DPP10: variants seen among roughly 807,000 people sequenced by gnomAD.
DPP10 encodes inactive dipeptidyl peptidase 10.
In DPP10, 33 loss-of-function variants were observed where a neutral mutation model predicts 120.9. The observed-to-expected ratio is 0.27, with a 90% CI of 0.21 to 0.37. DPP10 has a LOEUF of 0.37. DPP10 is among the 10% of genes least tolerant of loss of function. DPP10 has a pLI of 1.00. For missense variants in DPP10, 816 were observed against 942.8 expected (o/e 0.87, Z 1.76); for synonymous variants, 337 against 326.1 (o/e 1.03, Z -0.36).
In DPP10 at chr2:114,453,107, A is replaced by T. The variant is rs1678377317; in HGVS notation, c.60+10269A>T. 3.9e-5 allele frequency among the ~76,000 whole-genome samples: 6 copies of T among 152,274 alleles called. No individual in the cohort carries two copies. In the South Asian group the frequency reaches 1.2e-3, roughly 32 times the overall value. ...TGTTGAAAACCATCAGGGAGATTGG[A>T]TGGTTTGAAGGTAGAAAACCAAAAA... On this transcript the variant is annotated intron_variant, in intron 1 of 25. Coordinates refer to ENST00000410059, the MANE Select transcript of DPP10 (RefSeq NM_020868.6).
intron 1 of DPP10, among the ~76,000 whole-genome samples, chr2:114,870,530 A>ACAAGACTTTATTCCC (rs146055940): frequency 7.1e-6 from 1 of 141,458 alleles, no homozygotes; most frequent in African/African-American, 2.5e-5. Flanking sequence ...GAAGCTACAA[A>ACAAGACTTTATTCCC]AAGTAGTCAG....
At chr2:114,966,194 A>G (rs1699021012) in intron 1 of DPP10, among the ~76,000 whole-genome samples, 2 of 152,026 alleles carry the variant, frequency 1.3e-5, no homozygotes, top group Non-Finnish European at 2.9e-5. Flanking sequence ...AGATGGTTGA[A>G]TGAGGATGAC....
chr2:114,643,335 G>A lies in DPP10; in HGVS notation c.60+200497G>A, dbSNP rs186877431. ...TACAAAAGCAGTTATCTTCTCTCCC[G>A]TGAAGCAATGCCGCCTGGTAGAACA... On this transcript the variant is annotated intron_variant, in intron 1 of 25. Transcript: ENST00000410059. Among the ~76,000 whole-genome samples, 136 of 152,010 alleles carry A rather than the reference G, an allele frequency of 8.9e-4. 3 individuals carry two copies. Among genetic ancestry groups the A allele is most frequent in the African/African-American group, 3.0e-3 (122 of 41,264 alleles).
intron 1 of DPP10, among the ~76,000 whole-genome samples, chr2:114,844,160 T>C (rs1416385869): frequency 6.6e-6 from 1 of 152,110 alleles, no homozygotes; most frequent in Non-Finnish European, 1.5e-5. Context: ...TGCACATTCC[T>C]GTAACATAAA....
intron 1 of DPP10, among the ~76,000 whole-genome samples, chr2:115,245,037 T>C (rs1559304983): frequency 1.3e-5 from 2 of 151,990 alleles, no homozygotes; most frequent in Non-Finnish European, 2.9e-5. Context: ...ATCGTATCAT[T>C]CTTATACCTT....
In DPP10 at chr2:115,440,156, C is replaced by CGT. The variant is rs146453120; in HGVS notation, c.272-59340_272-59339dup. ...TAGAGAAAGATAATATGTGTGTGTG[C>CGT]GTGTGTGTGTGTGTGAGTGCATATG... On this transcript the variant is annotated intron_variant, in intron 3 of 25. Transcript: ENST00000410059. Among the ~76,000 whole-genome samples, 1,115 of 149,260 alleles carry CGT rather than the reference C, an allele frequency of 7.5e-3. 8 individuals are homozygous for CGT. Among genetic ancestry groups the CGT allele is most frequent in the Non-Finnish European group, 0.012 (828 of 67,146 alleles).
rs187051024 is a variant in DPP10, at chr2:115,164,348, A to T, written c.61-144891A>T. Among the ~76,000 whole-genome samples the T allele has an allele frequency of 2.0e-5, 3 of 151,984 alleles. No individual in the cohort carries two copies. The East Asian group carries it at 5.8e-4, about 29-fold the overall frequency. Reference sequence around the variant, plus strand: ...GCTTTTATTAGCCATATTAGTCATTATGGTTTAATTCTGCAATTGCCACAC... The same window carrying T: ...GCTTTTATTAGCCATATTAGTCATTTTGGTTTAATTCTGCAATTGCCACAC... On this transcript the variant is annotated intron_variant, in intron 1 of 25. Transcript: ENST00000410059.
At chr2:115,673,711 G>A (rs1033470971) in intron 5 of DPP10, among the ~76,000 whole-genome samples, 4 of 152,138 alleles carry the variant, frequency 2.6e-5, no homozygotes, top group Admixed American at 1.3e-4. Context: ...TTTCAAACCT[G>A]TGCTTTTTAC....
At chr2:114,907,817 A>G (rs1220414561) in intron 1 of DPP10, among the ~76,000 whole-genome samples, 2 of 152,050 alleles carry the variant, frequency 1.3e-5, no homozygotes, top group East Asian at 1.9e-4. Context: ...GTTGGCTTAT[A>G]GTGTTGTTCA....
chr2:115,745,679 T>TC (rs1475738471), intron 9 of DPP10, among the ~76,000 whole-genome samples: 8 of 149,598 alleles, frequency 5.3e-5, no homozygotes, highest in African/African-American at 2.0e-4. Context: ...TCATTTCTCC[T>TC]CTTTTTTTTT....
chr2:114,574,253 G>GT (rs1039944013), intron 1 of DPP10, among the ~76,000 whole-genome samples: 7 of 152,106 alleles, frequency 4.6e-5, no homozygotes, highest in Admixed American at 2.0e-4. Context: ...AAATTCATAG[G>GT]TTTTTCCCCC....
intron 7 of DPP10, among the ~76,000 whole-genome samples, chr2:115,703,569 C>T (rs1316534661): frequency 6.6e-6 from 1 of 151,950 alleles, no homozygotes; most frequent in Non-Finnish European, 1.5e-5. Context: ...GAAAGTTAGG[C>T]ACAATTTCTT....
intron 1 of DPP10, among the ~76,000 whole-genome samples, chr2:114,504,783 G>A (rs1208699720): frequency 2.6e-5 from 4 of 152,122 alleles, no homozygotes; most frequent in Non-Finnish European, 5.9e-5. Context: ...GCTGGGCGTG[G>A]TGGCTCATGC....
intron 8 of DPP10, among the ~76,000 whole-genome samples, chr2:115,729,152 A>C (rs1305302417): frequency 1.3e-5 from 2 of 152,190 alleles, no homozygotes; most frequent in Non-Finnish European, 2.9e-5. Context: ...AGAGTTACAG[A>C]ATCTAAATCT....
At chr2:115,054,358 A>G (rs1256816313) in intron 1 of DPP10, among the ~76,000 whole-genome samples, 1 of 152,132 alleles carries the variant, frequency 6.6e-6, no homozygotes, top group Non-Finnish European at 1.5e-5. Context: ...TCTCTTCCTA[A>G]CAGCAATTTT....
intron 1 of DPP10, among the ~76,000 whole-genome samples, chr2:114,455,156 T>TGTG (rs1553443771): frequency 0.028 from 4,191 of 147,482 alleles, 58 homozygotes; most frequent in Middle Eastern, 0.055. Flanking sequence ...TTTCTTTCTA[T>TGTG]TGTGTGTGTG....
intron 1 of DPP10, among the ~76,000 whole-genome samples, chr2:114,985,942 T>C (rs530358964): frequency 3.9e-5 from 6 of 152,244 alleles, no homozygotes; most frequent in Non-Finnish European, 7.3e-5. Context: ...CAAACACTTA[T>C]GAGTTTTTAG....
intron 1 of DPP10, among the ~76,000 whole-genome samples, chr2:115,113,156 T>G (rs2049316739): frequency 7.3e-6 from 1 of 137,442 alleles, no homozygotes; most frequent in Non-Finnish European, 1.5e-5. Flanking sequence ...ATATTATATA[T>G]CAACATATAT....
At chr2:114,948,872 C>T (rs1697561981) in intron 1 of DPP10, among the ~76,000 whole-genome samples, 1 of 152,082 alleles carries the variant, frequency 6.6e-6, no homozygotes, top group Admixed American at 6.5e-5. Flanking sequence ...GAAGCAAGCA[C>T]CTCCTTCACA....
Sources: allele counts gnomAD v4.1 joint callset (sites outside exome capture counted in the v4.1 genomes callset), GRCh38; gene constraint gnomAD v4.1.1; transcripts MANE v1.5; gene names NCBI Gene and HGNC (gene_info 2026-07-23, HGNC 2026-07-21).